The following ACAN variants were observed in gnomAD, a reference collection of about 807,000 sequenced individuals.
ACAN encodes the protein aggrecan core protein.
A neutral mutation model predicts 169.1 loss-of-function variants in ACAN; 47 were observed. The ratio of observed to expected loss-of-function variants is 0.28; its 90% confidence interval spans 0.22 to 0.35. The LOEUF is 0.35. ACAN is among the 10% of genes least tolerant of loss of function. The probability of loss-of-function intolerance (pLI) is 1.00; values close to 1 mark genes in which losing one functional copy is unlikely to be tolerated. For missense variants in ACAN, 2,716 were observed against 2,759.9 expected, an observed-to-expected ratio of 0.98 and a Z score of 0.36; for synonymous variants, 1,115 against 1,112.2, an observed-to-expected ratio of 1.00 and a Z score of -0.05.
chr15:88,858,387 C>T lies in ACAN; in HGVS notation c.5802C>T (p.Val1934=), dbSNP rs1381008208. 6.2e-7 allele frequency: 1 copy of T among 1,613,824 alleles called. No individual in the cohort carries two copies. Among genetic ancestry groups the T allele is most frequent in the South Asian group, 1.1e-5 (1 of 91,076 alleles). ...GAACTCCATCTAGTTTCCCCACTGT[C>T]TCTCTTGTAGACAGAACTTTGGTGG... The part of the protein sequence containing the change: ...GSGTPSSFPT[V]SLVDRTLVES... Residue 1934 remains valine (V), a synonymous_variant, in exon 12 of 19, where the codon GTC becomes GTT. Transcript: ENST00000560601. The surrounding 1 kb of genome is among the most constrained non-coding windows in gnomAD (Gnocchi z 4.0).
In ACAN at chr15:88,857,242, G is replaced by A; in HGVS notation, c.4657G>A (p.Glu1553Lys). The A allele has an allele frequency of 6.2e-7, 1 of 1,613,928 alleles. No homozygotes were observed. Among genetic ancestry groups the A allele is most frequent in the Non-Finnish European group, 8.5e-7 (1 of 1,179,888 alleles). ...GDLSGLPSGG[E>K]GLETSASEVG... ...CCTCAGTGGACTTCCTTCTGGAGGA[G>A]AAGGTCTAGAGACCTCTGCTTCTGA... is the stretch of plus-strand genomic sequence containing the variant. The change falls in exon 12 of 19, where the codon GAA (glutamate) becomes AAA (lysine). Residue 1553 changes from glutamate (E) to lysine (K), a missense_variant. Transcript: ENST00000560601.
intron 1 of ACAN, among the ~76,000 whole-genome samples, chr15:88,815,313 C>T (rs1052553662): frequency 2.0e-5 from 3 of 152,062 alleles, no homozygotes; most frequent in Non-Finnish European, 2.9e-5. Context: ...AATCCCAGCA[C>T]TTTGAGAGGC....
intron 1 of ACAN, among the ~76,000 whole-genome samples, chr15:88,828,265 A>C (rs536419383): frequency 6.0e-4 from 91 of 152,344 alleles, no homozygotes; most frequent in African/African-American, 2.0e-3. Context: ...GGACAGGGCC[A>C]GACCCTAGCC....
chr15:88,827,460 A>G (rs1896252559), intron 1 of ACAN, among the ~76,000 whole-genome samples: 1 of 152,208 alleles, frequency 6.6e-6, no homozygotes, highest in Non-Finnish European at 1.5e-5. Flanking sequence ...TCAGGCTAGC[A>G]CCCATTAGTT....
chr15:88,863,104 GA>G (rs1897229820), intron 13 of ACAN, among the ~76,000 whole-genome samples: 1 of 151,962 alleles, frequency 6.6e-6, no homozygotes, highest in African/African-American at 2.4e-5. Flanking sequence ...AATCCTCAGG[GA>G]AAACTTCCAC....
chr15:88,819,526 G>A (rs1226321445), intron 1 of ACAN, among the ~76,000 whole-genome samples: 1 of 150,622 alleles, frequency 6.6e-6, no homozygotes, highest in Non-Finnish European at 1.5e-5. Flanking sequence ...ACTTTGGAAG[G>A]TTGAGGTGGG....
chr15:88,831,716 G>A (rs1896369381), intron 1 of ACAN, among the ~76,000 whole-genome samples: 1 of 152,204 alleles, frequency 6.6e-6, no homozygotes, highest in Non-Finnish European at 1.5e-5. Context: ...GAGCAACTCA[G>A]CCTCCTCCTT....
intron 1 of ACAN, among the ~76,000 whole-genome samples, chr15:88,824,577 C>T (rs902056999): frequency 6.6e-6 from 1 of 152,054 alleles, no homozygotes; most frequent in Non-Finnish European, 1.5e-5. Context: ...ACAATAATTT[C>T]AAATAATAAT....
At chr15:88,832,597 G>A (rs1034416240) in intron 1 of ACAN, among the ~76,000 whole-genome samples, 1 of 152,200 alleles carries the variant, frequency 6.6e-6, no homozygotes, top group Non-Finnish European at 1.5e-5. Context: ...ATGACTAGAA[G>A]GCAAACTATC....
At position 88,873,444 on chromosome 15, in the gene ACAN, G is replaced by A. The variant is rs1182991592; in HGVS notation, c.7448-398G>A. Reference sequence around the variant, plus strand: ...TCGATCCTTTGGCTTTCAGTCTGTGGACATTGAGGTGCTGGTAGGATGCGC... The same window carrying A: ...TCGATCCTTTGGCTTTCAGTCTGTGAACATTGAGGTGCTGGTAGGATGCGC... On this transcript the variant is annotated intron_variant, in intron 17 of 18. Coordinates refer to ENST00000560601, the MANE Select transcript of ACAN (RefSeq NM_001369268.1). This position sits in a 1 kb window ranked among gnomAD's most constrained non-coding sequence, Gnocchi z 7.5. 2.0e-5 allele frequency among the ~76,000 whole-genome samples: 3 copies of A among 152,178 alleles called. No homozygotes were observed. Among genetic ancestry groups the A allele is most frequent in the Non-Finnish European group, 4.4e-5 (3 of 68,032 alleles).
intron 1 of ACAN, among the ~76,000 whole-genome samples, chr15:88,823,244 C>G (rs747713175): frequency 6.6e-6 from 1 of 152,170 alleles, no homozygotes; most frequent in African/African-American, 2.4e-5. Flanking sequence ...AAGGTACTTG[C>G]GCCTGCTGGA....
At chr15:88,811,337 A>G (rs758841439) in intron 1 of ACAN, among the ~76,000 whole-genome samples, 1 of 152,224 alleles carries the variant, frequency 6.6e-6, no homozygotes, top group Non-Finnish European at 1.5e-5. Flanking sequence ...ATGCTAATCT[A>G]GGCACGGGCC....
Position 88,838,859 on chromosome 15 carries a change from C to A in ACAN, c.267C>A (p.Ala89=). 1 of 1,614,032 alleles carries A rather than the reference C, an allele frequency of 6.2e-7. No individual in the cohort carries two copies. ...SKEKEVVLLV[A]TEGRVRVNSA... ...AGAAGGAGGTAGTGCTGCTGGTGGC[C>A]ACTGAAGGGCGCGTGCGGGTCAACA... is the stretch of plus-strand genomic sequence containing the variant. Residue 89 remains alanine (A), a synonymous_variant, in exon 3 of 19, where the codon GCC becomes GCA. Coordinates refer to ENST00000560601, the MANE Select transcript of ACAN (RefSeq NM_001369268.1). The surrounding 1 kb of genome is among the most constrained non-coding windows in gnomAD (Gnocchi z 5.1).
chr15:88,836,559 C>T (rs781613114), intron 2 of ACAN, among the ~76,000 whole-genome samples: 7 of 152,240 alleles, frequency 4.6e-5, no homozygotes, highest in Non-Finnish European at 1.0e-4. Flanking sequence ...GCCCTCCTTC[C>T]CTCCATGGAT....
At position 88,809,247 on chromosome 15, in the gene ACAN, G is replaced by A. The variant is rs146276194; in HGVS notation, c.-8+5438G>A. 6.6e-4 allele frequency among the ~76,000 whole-genome samples: 100 copies of A among 152,274 alleles called. 1 individual carries two copies. Among genetic ancestry groups the A allele is most frequent in the African/African-American group, 2.3e-3 (96 of 41,562 alleles). On this transcript the variant is annotated intron_variant, in intron 1 of 18. Transcript: ENST00000560601. ...GCCATAGTATTCCCTCTGCTTGGGG[G>A]AGGGGCAGTGGGTGGTGTGAGCATC...
chr15:88,822,591 A>C (rs1170233900), intron 1 of ACAN, among the ~76,000 whole-genome samples: 1 of 151,654 alleles, frequency 6.6e-6, no homozygotes, highest in Non-Finnish European at 1.5e-5. Context: ...CTCAGCCACC[A>C]TGCCTGGCTA....
Position 88,838,162 on chromosome 15 carries a change from C to T in ACAN, c.71-501C>T, listed in dbSNP as rs2141561794. On this transcript the variant is annotated intron_variant, in intron 2 of 18. Transcript: ENST00000560601. The surrounding 1 kb of genome is among the most constrained non-coding windows in gnomAD (Gnocchi z 5.1). ...GAGTGACTTGTCCCGGTGGCAAAAT[C>T]AGGCTCGCACCCAAAAGCAGACCTC... 6.6e-6 allele frequency among the ~76,000 whole-genome samples: 1 copy of T among 152,276 alleles called. No homozygotes were observed. Among genetic ancestry groups the T allele is most frequent in the Non-Finnish European group, 1.5e-5 (1 of 68,012 alleles).
chr15:88,824,106 C>T (rs575294274), intron 1 of ACAN, among the ~76,000 whole-genome samples: 6 of 152,240 alleles, frequency 3.9e-5, no homozygotes, highest in African/African-American at 1.2e-4. Flanking sequence ...AGGCAGACCA[C>T]GAGATCAGGA....
chr15:88,803,983 G>A (rs1237014216), intron 1 of ACAN, among the ~76,000 whole-genome samples, 174 bp downstream of exon 1: 1 of 152,216 alleles, frequency 6.6e-6, no homozygotes, highest in Non-Finnish European at 1.5e-5. Context: ...GTGGAGTTGA[G>A]CAAACTTTTT....
Sources: gnomAD v4.1 joint callset for allele counts (sites outside exome capture counted in the v4.1 genomes callset) on GRCh38, gnomAD v4.1.1 for gene constraint, Gnocchi (gnomAD v3.1) non-coding constraint, MANE v1.5 for transcripts, NCBI Gene and HGNC (gene_info 2026-07-23, HGNC 2026-07-21) for gene names.